EIF2D: variants seen among roughly 807,000 people sequenced by gnomAD.
EIF2D encodes the protein eukaryotic translation initiation factor 2D.
In EIF2D, 56 loss-of-function variants were observed where a neutral mutation model predicts 77.4. The observed-to-expected ratio is 0.72, with a 90% CI of 0.58 to 0.90. EIF2D has a LOEUF of 0.90. Ranked by LOEUF, EIF2D falls within the 40% of genes least tolerant of loss-of-function variation. The pLI, the probability that EIF2D is intolerant of heterozygous loss-of-function variation, is 0.00. For synonymous variants in EIF2D, 230 were observed against 271.0 expected (o/e 0.85, Z 1.49); for missense variants, 574 against 706.5 (o/e 0.81, Z 2.13).
Position 206,584,634 on chromosome 1 carries a change from A to G in EIF2D, c.139-3472T>C, listed in dbSNP as rs1669031623. 6.2e-6 allele frequency: 10 copies of G among 1,614,234 alleles called. No homozygotes were observed. Among genetic ancestry groups the G allele is most frequent in the Non-Finnish European group, 8.5e-6 (10 of 1,180,044 alleles). The stretch of plus-strand genomic sequence containing the variant: ...CTGCTCAAGAAGTTCATGGTTGTGG[A>G]CAATCCCCAGAAGTTTGCACTTTTT... On this transcript the variant is annotated intron_variant and NMD_transcript_variant, in intron 2 of 5. Transcript: ENST00000472709. This position sits in a 1 kb window ranked among gnomAD's most constrained non-coding sequence, Gnocchi z 4.9.
At position 206,609,371 on chromosome 1, in the gene EIF2D, C is replaced by T. The variant is rs1553413384; in HGVS notation, c.331+5G>A. The T allele has an allele frequency of 6.2e-7, 1 of 1,613,856 alleles. No individual in the cohort carries two copies. The highest frequency in any genetic ancestry group is 1.1e-5 in the South Asian group (1 of 91,068). ...AATAGCCAGAATATAGGAGAATCCT[C>T]TTACCTGCTCCCCCTACCAGTTTCT... On this transcript the variant is annotated splice_donor_5th_base_variant and intron_variant, in intron 3 of 14. Coordinates refer to ENST00000271764, the MANE Select transcript of EIF2D (RefSeq NM_006893.3).
rs147466169 is a variant in EIF2D at position 206,593,808 on chromosome 1, G to A, written c.1510-15C>T. ...ACCACGGTCACCTGGGGGGACAGTG[G>A]GGACAGAGACTGACGGTGGTGACTG... On this transcript the variant is annotated splice_polypyrimidine_tract_variant and intron_variant, in intron 13 of 14. Transcript: ENST00000271764. 7.4e-4 allele frequency: 1,170 copies of A among 1,588,474 alleles called. 4 individuals are homozygous for A. The highest frequency in any genetic ancestry group is 8.3e-4 in the Non-Finnish European group (961 of 1,161,792).
chr1:206,597,248 T>A, intron 11 of EIF2D, 53 bp from the exon 12 acceptor site: 2 of 1,361,566 alleles, frequency 1.5e-6, no homozygotes, highest in Non-Finnish European at 2.1e-6. Flanking sequence ...CCTTCTGACC[T>A]GAAGGCTAAT....
intron 4 of EIF2D, among the ~76,000 whole-genome samples, chr1:206,607,171 T>C (rs1297294812): frequency 1.3e-5 from 2 of 152,124 alleles, no homozygotes; most frequent in Non-Finnish European, 2.9e-5. Flanking sequence ...TAAATGTGTA[T>C]TGTTAGTATT....
rs782352335 is a variant in EIF2D at position 206,597,205 on chromosome 1, A to G, written c.1293-10T>C. On this transcript the variant is annotated splice_polypyrimidine_tract_variant and intron_variant, in intron 11 of 14. Coordinates refer to ENST00000271764, the MANE Select transcript of EIF2D (RefSeq NM_006893.3). The stretch of plus-strand genomic sequence containing the variant: ...ATCCAATCTCACAAGACTAAAGGGA[A>G]AGAAGAGGCAATGAAGAAATCCTAG... The G allele has an allele frequency of 1.1e-5, 17 of 1,604,188 alleles. No individual in the cohort carries two copies. Among genetic ancestry groups the G allele is most frequent in the South Asian group, 7.7e-5 (7 of 90,824 alleles).
At chr1:206,595,681 A>G (rs781832935) in intron 13 of EIF2D, 37 bp downstream of exon 13, 2 of 1,602,074 alleles carry the variant, frequency 1.2e-6, no homozygotes, top group South Asian at 2.2e-5. Flanking sequence ...AGAACATTAA[A>G]TCACTATCCT....
intron 13 of EIF2D, 25 bp from the exon 14 acceptor site, chr1:206,593,818 C>A (rs781816848): frequency 6.2e-5 from 97 of 1,576,312 alleles, no homozygotes; most frequent in Non-Finnish European, 7.7e-5. Flanking sequence ...GGGACAGAGA[C>A]TGACGGTGGT....
chr1:206,576,974 T>C (rs143846266), intron 4 of EIF2D, among the ~76,000 whole-genome samples: 4,298 of 111,108 alleles, frequency 0.039, 180 homozygotes, highest in African/African-American at 0.13. Context: ...CAGCTAATTT[T>C]TGTATTTTTT....
rs782650537 is a variant in EIF2D at position 206,591,859 on chromosome 1, A to G, written c.1685-14T>C. The G allele has an allele frequency of 6.2e-7, 1 of 1,614,066 alleles. No homozygotes were observed. The highest frequency in any genetic ancestry group is 8.5e-7 in the Non-Finnish European group (1 of 1,179,962). ...GCTGATACTCTTCTACAATCCAAAA[A>G]GCACACACTCCTCAGCGGAGCATGA... On this transcript the variant is annotated splice_polypyrimidine_tract_variant and intron_variant, in intron 14 of 14. Coordinates refer to ENST00000271764, the MANE Select transcript of EIF2D (RefSeq NM_006893.3).
chr1:206,588,440 G>T (rs141041350), downstream of EIF2D: 3 of 152,342 alleles, frequency 2.0e-5, no homozygotes, highest in Non-Finnish European at 2.9e-5. Context: ...CAGGACTGCA[G>T]AGACACTCCA....
chr1:206,605,529 A>G (rs1279357200), intron 4 of EIF2D, 22 bp from the exon 5 acceptor site: 4 of 1,601,820 alleles, frequency 2.5e-6, no homozygotes, highest in Non-Finnish European at 2.6e-6. Context: ...GAAGCCAGAG[A>G]CCAGGGTCAT....
Position 206,599,442 on chromosome 1 carries a change from G to C in EIF2D, c.1202+21C>G. ...CCAGAACACCAAGCAGGCAGAGAAG[G>C]GCTGCTCTCCAAAAACTCACTTGTG... On this transcript the variant is annotated intron_variant, in intron 10 of 14. Coordinates refer to ENST00000271764, the MANE Select transcript of EIF2D (RefSeq NM_006893.3). This position sits in a 1 kb window ranked among gnomAD's most constrained non-coding sequence, Gnocchi z 4.1. The C allele has an allele frequency of 1.9e-6, 3 of 1,612,690 alleles. No individual in the cohort carries two copies. The highest frequency in any genetic ancestry group is 2.5e-6 in the Non-Finnish European group (3 of 1,179,554).
At chr1:206,610,380 A>G (rs1321967648) in intron 2 of EIF2D, among the ~76,000 whole-genome samples, 1 of 152,130 alleles carries the variant, frequency 6.6e-6, no homozygotes, top group African/African-American at 2.4e-5. Context: ...GTAGCCAGAC[A>G]TGGTGGCATA....
In EIF2D at chr1:206,584,362, C is replaced by G. The variant is rs782137327; in HGVS notation, c.139-3200G>C. 1 of 1,593,154 alleles carries G rather than the reference C, an allele frequency of 6.3e-7. No homozygotes were observed. The highest frequency in any genetic ancestry group is 2.2e-5 in the East Asian group (1 of 44,740). ...TCATGCAAGGCGGACGGCCCTGACC[C>G]CCTGTGACATGCCCCCGCTGGCAGA... On this transcript the variant is annotated intron_variant and NMD_transcript_variant, in intron 2 of 5. Transcript: ENST00000472709. The surrounding 1 kb of genome is among the most constrained non-coding windows in gnomAD (Gnocchi z 4.9).
chr1:206,603,116 T>C lies in EIF2D; in HGVS notation c.619A>G (p.Met207Val). Residue 207 changes from methionine to valine, a missense_variant, in exon 6 of 15, where the codon ATG (methionine) becomes GTG (valine). Met to Val is a conservative substitution (Grantham distance 21). Coordinates refer to ENST00000271764, the MANE Select transcript of EIF2D (RefSeq NM_006893.3). ...DLSEEKGSVQ[M>V]DSTLQGDMRH... Reference sequence around the variant, plus strand: ...ATGTCTCCCTGCAGGGTGGAGTCCATCTGGACAGACCCCTTCTCTTCACTG... The same window carrying C: ...ATGTCTCCCTGCAGGGTGGAGTCCACCTGGACAGACCCCTTCTCTTCACTG... 1.2e-6 allele frequency: 2 copies of C among 1,614,130 alleles called. No individual in the cohort carries two copies. Among genetic ancestry groups the C allele is most frequent in the South Asian group, 1.1e-5 (1 of 91,076 alleles).
chr1:206,598,876 T>A, intron 11 of EIF2D, 127 bp downstream of exon 11: 1 of 913,382 alleles, frequency 1.1e-6, no homozygotes, highest in South Asian at 1.7e-5. Context: ...TGGAAACCAC[T>A]GATCTTAATT....
chr1:206,608,349 CA>C (rs1670302552), intron 3 of EIF2D, 23 bp from the exon 4 acceptor site: 1 of 1,597,884 alleles, frequency 6.3e-7, no homozygotes, highest in East Asian at 2.3e-5. Context: ...AAAAAAATCA[CA>C]ACCTGCATTC....
chr1:206,602,332 A>G lies in EIF2D; in HGVS notation c.902+4T>C, dbSNP rs782013568. On this transcript the variant is annotated splice_donor_region_variant and intron_variant, in intron 7 of 14. Transcript: ENST00000271764. ...CCTCCAGCCCACATCAGTGCTTTCC[A>G]TACCAGCAGGAGAACATGTGGCTGC... The G allele has an allele frequency of 6.8e-6, 11 of 1,613,628 alleles. No individual in the cohort carries two copies. Among genetic ancestry groups the G allele is most frequent in the South Asian group, 1.1e-5 (1 of 91,072 alleles).
chr1:206,596,990 T>C, intron 12 of EIF2D, 110 bp downstream of exon 12: 7 of 815,728 alleles, frequency 8.6e-6, no homozygotes, highest in Non-Finnish European at 1.4e-5. Context: ...TTGGTATGAA[T>C]TACAGAAAGA....
Sources: gnomAD v4.1 joint callset for allele counts (sites outside exome capture counted in the v4.1 genomes callset) on GRCh38, gnomAD v4.1.1 for gene constraint, Gnocchi (gnomAD v3.1) non-coding constraint, MANE v1.5 for transcripts, NCBI Gene and HGNC (gene_info 2026-07-23, HGNC 2026-07-21) for gene names.